RBFOX1: variants seen among roughly 807,000 people sequenced by gnomAD.
RBFOX1 encodes RNA binding protein fox-1 homolog 1.
A neutral mutation model predicts 57.7 loss-of-function variants in RBFOX1; 8 were observed. The observed-to-expected ratio is 0.14, with a 90% CI of 0.08 to 0.25. RBFOX1 has a LOEUF of 0.25. Among genes scored for constraint, RBFOX1 ranks in the 10% least tolerant of loss-of-function variants. RBFOX1 has a pLI of 1.00. For missense variants in RBFOX1, 611 were observed against 548.5 expected (o/e 1.11, Z -1.14); for synonymous variants, 326 against 222.4 (o/e 1.47, Z -4.15).
At chr16:5,687,783 G>A (rs910599438) in intron 3 of RBFOX1, among the ~76,000 whole-genome samples, 3 of 152,184 alleles carry the variant, frequency 2.0e-5, no homozygotes, top group African/African-American at 7.2e-5. Context: ...TGGCTCTGCT[G>A]TCGGAGTCTG....
At chr16:5,731,549 G>A (rs916687477) in intron 3 of RBFOX1, among the ~76,000 whole-genome samples, 7 of 152,122 alleles carry the variant, frequency 4.6e-5, no homozygotes, top group African/African-American at 7.2e-5. Context: ...CAAAGTAAAG[G>A]GGTAGAGGGG....
intron 4 of RBFOX1, among the ~76,000 whole-genome samples, chr16:5,951,998 T>G (rs940134392): frequency 6.6e-6 from 1 of 151,348 alleles, no homozygotes; most frequent in African/African-American, 2.4e-5. Context: ...TATATATATG[T>G]GTGTGTGTAT....
intron 3 of RBFOX1, among the ~76,000 whole-genome samples, chr16:6,999,129 A>G (rs1330237326): frequency 1.3e-5 from 2 of 151,336 alleles, no homozygotes; most frequent in African/African-American, 4.8e-5. Flanking sequence ...TCTGCCTCCC[A>G]AAGTACAGGG....
At chr16:5,725,702 A>G (rs1189274831) in intron 3 of RBFOX1, among the ~76,000 whole-genome samples, 2 of 151,944 alleles carry the variant, frequency 1.3e-5, no homozygotes, top group South Asian at 2.1e-4. Flanking sequence ...CACACCTGGC[A>G]TGGGGGAAAT....
At chr16:6,799,133 C>A (rs114249539) in intron 3 of RBFOX1, among the ~76,000 whole-genome samples, 1 of 151,966 alleles carries the variant, frequency 6.6e-6, no homozygotes, top group Admixed American at 6.6e-5. Flanking sequence ...AGAACTGGGG[C>A]TCAGCTTCGA....
At chr16:5,358,457 T>TA (rs1167671346) in intron 1 of RBFOX1, among the ~76,000 whole-genome samples, 2 of 152,176 alleles carry the variant, frequency 1.3e-5, no homozygotes, top group Non-Finnish European at 2.9e-5. Context: ...TGTACATATG[T>TA]ATGGGGTACA....
Position 7,631,459 on chromosome 16 carries a change from G to A in RBFOX1, c.757+776G>A, listed in dbSNP as rs140963858. ...CAGAGCAGGTAGAAGAATTAAAGCC[G>A]CCACTGACTCTACCATGTTCTCCCA... On this transcript the variant is annotated intron_variant, in intron 11 of 15. Coordinates refer to ENST00000550418, the MANE Select transcript of RBFOX1 (RefSeq NM_018723.4). Among the ~76,000 whole-genome samples the A allele has an allele frequency of 4.6e-3, 696 of 152,230 alleles. 4 individuals are homozygous for A. Among genetic ancestry groups the A allele is most frequent in the African/African-American group, 0.016 (648 of 41,540 alleles).
chr16:6,304,096 C>A (rs549109625), intron 1 of RBFOX1, among the ~76,000 whole-genome samples: 1 of 151,742 alleles, frequency 6.6e-6, no homozygotes, highest in African/African-American at 2.4e-5. Flanking sequence ...AGGTGTGAGC[C>A]ACTGCGCCCA....
intron 1 of RBFOX1, among the ~76,000 whole-genome samples, chr16:5,380,382 A>G (rs1239990685): frequency 1.3e-5 from 2 of 152,240 alleles, no homozygotes; most frequent in Non-Finnish European, 2.9e-5. Flanking sequence ...TGTGATGGGC[A>G]TTAAAATATC....
intron 5 of RBFOX1, among the ~76,000 whole-genome samples, chr16:7,555,381 A>G (rs2088025790): frequency 6.6e-6 from 1 of 152,182 alleles, no homozygotes; most frequent in Admixed American, 6.6e-5. Context: ...GGTTTAGTTA[A>G]TAGACACCAG....
At chr16:5,955,352 AAATAAAAAT>A (rs1227806258) in intron 4 of RBFOX1, among the ~76,000 whole-genome samples, 162 of 13,846 alleles carry the variant, frequency 0.012, no homozygotes, top group South Asian at 0.044. Context: ...AAAATAAAAT[AAATAAAAAT>A]AAAATAAAAT....
chr16:6,118,950 C>T (rs977502141), intron 1 of RBFOX1, among the ~76,000 whole-genome samples: 2 of 151,984 alleles, frequency 1.3e-5, no homozygotes, highest in African/African-American at 4.8e-5. Context: ...ATGGGGAGGG[C>T]ACTAACATTC....
In RBFOX1 at chr16:6,741,648, G is replaced by A. The variant is rs527771896; in HGVS notation, c.-16+86998G>A. Among the ~76,000 whole-genome samples, 279 of 149,004 alleles carry A rather than the reference G, an allele frequency of 1.9e-3. 3 individuals are homozygous for A. The highest frequency in any genetic ancestry group is 6.8e-3 in the African/African-American group (273 of 40,418). ...CATGCCACTGCACTCCAGCCTGGGC[G>A]ACAGAGCCAGACTCAGTCTCAAAAA... On this transcript the variant is annotated intron_variant, in intron 3 of 15. Transcript: ENST00000550418.
At position 6,019,313 on chromosome 16, in the gene RBFOX1, C is replaced by T. The variant is rs2095024131; in HGVS notation, c.-806C>T. 2.0e-6 allele frequency: 2 copies of T among 985,320 alleles called. No homozygotes were observed. The highest frequency in any genetic ancestry group is 2.4e-6 in the Non-Finnish European group (2 of 830,198). 61.0% of individuals were successfully genotyped at this position (985,320 alleles called of 1,614,324 possible). A position where few individuals can be genotyped will look rare whatever the true frequency, so the allele number is the denominator to read the frequency against. ...GTTTGAAGGTCACCTCCTTTCCAGTCCCCGTGCGAGCCGCGCTGCCGCCGC... is the reference window on the plus strand; with the variant it reads ...GTTTGAAGGTCACCTCCTTTCCAGTTCCCGTGCGAGCCGCGCTGCCGCCGC... On this transcript the variant is annotated 5_prime_UTR_variant, in exon 1 of 16. Transcript: ENST00000550418. The surrounding 1 kb of genome is among the most constrained non-coding windows in gnomAD (Gnocchi z 4.2).
At chr16:7,334,877 G>A (rs1226529455) in intron 4 of RBFOX1, among the ~76,000 whole-genome samples, 2 of 152,170 alleles carry the variant, frequency 1.3e-5, no homozygotes, top group Non-Finnish European at 2.9e-5. Flanking sequence ...TGATCATACT[G>A]TGTTTTTCCA....
intron 2 of RBFOX1, among the ~76,000 whole-genome samples, chr16:6,554,090 T>G (rs964705332): frequency 6.6e-6 from 1 of 152,178 alleles, no homozygotes; most frequent in Non-Finnish European, 1.5e-5. Context: ...CAGTTTAATG[T>G]CTGTGCAAAA....
intron 3 of RBFOX1, among the ~76,000 whole-genome samples, chr16:5,690,259 A>G (rs761734186): frequency 1.6e-4 from 24 of 152,232 alleles, no homozygotes; most frequent in Non-Finnish European, 2.9e-4. Flanking sequence ...TTGTCATCAC[A>G]GTGTCATCAA....
chr16:7,547,223 T>C (rs911599477), intron 5 of RBFOX1, among the ~76,000 whole-genome samples: 1 of 152,242 alleles, frequency 6.6e-6, no homozygotes, highest in Non-Finnish European at 1.5e-5. Flanking sequence ...AAGGTTAACG[T>C]AGTGTGCAAT....
At chr16:6,576,217 C>G (rs1362364409) in intron 2 of RBFOX1, among the ~76,000 whole-genome samples, 1 of 152,072 alleles carries the variant, frequency 6.6e-6, no homozygotes, top group Non-Finnish European at 1.5e-5. Context: ...GTGGGTGGAG[C>G]CTGTCGTAGC....
Sources: gnomAD v4.1 joint callset for allele counts (sites outside exome capture counted in the v4.1 genomes callset) on GRCh38, gnomAD v4.1.1 for gene constraint, Gnocchi (gnomAD v3.1) non-coding constraint, MANE v1.5 for transcripts, NCBI Gene and HGNC (gene_info 2026-07-23, HGNC 2026-07-21) for gene names.